Variants in RBFOX3 observed in about 807,000 individuals in gnomAD.
RBFOX3 encodes RNA binding fox-1 homolog 3.
In RBFOX3, 17 loss-of-function variants were observed where a neutral mutation model predicts 48.7. That is an observed-to-expected ratio of 0.35 (90% confidence interval 0.24 to 0.52). RBFOX3 has a LOEUF of 0.52. Among genes scored for constraint, RBFOX3 ranks in the 20% least tolerant of loss-of-function variants. RBFOX3 has a pLI of 0.94. For missense variants in RBFOX3, 382 were observed against 497.5 expected (o/e 0.77, Z 2.21); for synonymous variants, 212 against 209.5 (o/e 1.01, Z -0.10).
At chr17:79,515,108 C>T (rs918237843) in intron 1 of RBFOX3, among the ~76,000 whole-genome samples, 7 of 152,190 alleles carry the variant, frequency 4.6e-5, no homozygotes, top group Non-Finnish European at 7.4e-5. Flanking sequence ...TAACATCTGG[C>T]CCCACCCACA....
chr17:79,453,665 G>A (rs561863396), intron 2 of RBFOX3, among the ~76,000 whole-genome samples: 1 of 152,256 alleles, frequency 6.6e-6, no homozygotes, highest in Admixed American at 6.5e-5. Context: ...CAGGCACATG[G>A]GGTGTGTGTG....
At chr17:79,383,159 G>T (rs974354229) in intron 2 of RBFOX3, among the ~76,000 whole-genome samples, 1 of 152,128 alleles carries the variant, frequency 6.6e-6, no homozygotes, top group Admixed American at 6.5e-5. Context: ...CAGCACAGAA[G>T]AGGATGGGAA....
chr17:79,568,696 G>A (rs1160532212), intron 1 of RBFOX3, among the ~76,000 whole-genome samples: 3 of 152,108 alleles, frequency 2.0e-5, no homozygotes, highest in African/African-American at 7.2e-5. Context: ...AGACTCAAGA[G>A]ACCCCCATGC....
chr17:79,543,608 GAGGA>G (rs2090013476), intron 1 of RBFOX3, among the ~76,000 whole-genome samples: 1 of 152,112 alleles, frequency 6.6e-6, no homozygotes. Flanking sequence ...CAGGGCCTCC[GAGGA>G]AAAGGAATAA....
Position 79,198,541 on chromosome 17 carries a change from T to A in RBFOX3, c.-34+37225A>T, listed in dbSNP as rs2056154312. ...TGAGGCTTGGAGAAGTTCACAGACTTTCCAGGATGTATTGCCCATGCCACT... is the reference window on the plus strand; with the variant it reads ...TGAGGCTTGGAGAAGTTCACAGACTATCCAGGATGTATTGCCCATGCCACT... On this transcript the variant is annotated intron_variant, in intron 4 of 14. Coordinates refer to ENST00000693108, the MANE Select transcript of RBFOX3 (RefSeq NM_001350451.2). The surrounding 1 kb of genome is among the most constrained non-coding windows in gnomAD (Gnocchi z 8.2). Among the ~76,000 whole-genome samples, 1 of 152,184 alleles carries A rather than the reference T, an allele frequency of 6.6e-6. No individual in the cohort carries two copies. Among genetic ancestry groups the A allele is most frequent in the Non-Finnish European group, 1.5e-5 (1 of 68,028 alleles).
At chr17:79,549,783 T>G (rs1429723103) in intron 1 of RBFOX3, among the ~76,000 whole-genome samples, 5 of 152,202 alleles carry the variant, frequency 3.3e-5, no homozygotes, top group Non-Finnish European at 7.3e-5. Context: ...TGGAGAGGGC[T>G]CAGCAGCTGT....
rs1338430181 is a variant in RBFOX3 at position 79,495,505 on chromosome 17, A to G, written c.-319-12907T>C. The stretch of plus-strand genomic sequence containing the variant: ...GCAAGAAGGTGGGGGAGGGGTGCAG[A>G]GGGTGGGGAGGTGGGGGAGGGGTGC... On this transcript the variant is annotated intron_variant, in intron 1 of 14. Coordinates refer to ENST00000693108, the MANE Select transcript of RBFOX3 (RefSeq NM_001350451.2). Among the ~76,000 whole-genome samples, 5 of 45,524 alleles carry G rather than the reference A, an allele frequency of 1.1e-4. No individual in the cohort carries two copies. The South Asian group carries it at 2.8e-3, about 25-fold the overall frequency. The allele number at this position is 45,524 out of a possible 152,430, so 29.9% of individuals were successfully genotyped here.
At chr17:79,401,074 C>T (rs2148410364) in intron 2 of RBFOX3, among the ~76,000 whole-genome samples, 1 of 152,376 alleles carries the variant, frequency 6.6e-6, no homozygotes, top group South Asian at 2.1e-4. Context: ...AGACGCAGAG[C>T]CTCTCCAGTG....
In RBFOX3 at chr17:79,106,861, G is replaced by A. The variant is rs1435508145; in HGVS notation, c.223-73C>T. On this transcript the variant is annotated intron_variant, in intron 5 of 14. Transcript: ENST00000693108. ...TGCCCATCCCCTCTGCTAAAGGGTC[G>A]GCAGAGTCTAAAGGCCAGATTCTCC... The A allele has an allele frequency of 3.8e-5, 54 of 1,439,984 alleles. No homozygotes were observed. In the South Asian group the frequency reaches 5.0e-4, roughly 13 times the overall value. The allele number at this position is 1,439,984 out of a possible 1,614,324, so 89.2% of individuals were successfully genotyped here. A position where few individuals can be genotyped will look rare whatever the true frequency, so the allele number is the denominator to read the frequency against.
At chr17:79,240,556 T>C (rs1484708939) in intron 3 of RBFOX3, among the ~76,000 whole-genome samples, 1 of 152,240 alleles carries the variant, frequency 6.6e-6, no homozygotes, top group Non-Finnish European at 1.5e-5. Context: ...ATATACATCA[T>C]TGACCTCACG....
At chr17:79,592,265 A>G (rs927217628) in intron 1 of RBFOX3, among the ~76,000 whole-genome samples, 1 of 74,828 alleles carries the variant, frequency 1.3e-5, no homozygotes, top group African/African-American at 6.0e-5. Flanking sequence ...ATGCATGTGT[A>G]TGTGGGTGGG....
intron 2 of RBFOX3, among the ~76,000 whole-genome samples, chr17:79,451,737 A>C (rs2073549414): frequency 6.6e-6 from 1 of 152,246 alleles, no homozygotes; most frequent in South Asian, 2.1e-4. Context: ...GGTCCCCCGC[A>C]ACCTTCCATT....
chr17:79,510,765 T>C (rs2084034876), intron 1 of RBFOX3, among the ~76,000 whole-genome samples: 1 of 152,088 alleles, frequency 6.6e-6, no homozygotes, highest in South Asian at 2.1e-4. Context: ...GTCACCAAAC[T>C]TTTTCCTTTG....
chr17:79,369,750 C>T (rs2058270715), intron 2 of RBFOX3, among the ~76,000 whole-genome samples: 1 of 152,166 alleles, frequency 6.6e-6, no homozygotes, highest in African/African-American at 2.4e-5. Context: ...CTGGTGCCAC[C>T]CCAGCTCAGG....
chr17:79,648,038 C>A, the RBFOX3 span, among the ~76,000 whole-genome samples: 2 of 150,986 alleles, frequency 1.3e-5, no homozygotes, highest in South Asian at 4.2e-4. Context: ...TCCTGGGGGT[C>A]CAGCAGGGGA....
At chr17:79,174,833 C>T (rs1400432882) in intron 4 of RBFOX3, among the ~76,000 whole-genome samples, 2 of 152,238 alleles carry the variant, frequency 1.3e-5, no homozygotes, top group Admixed American at 1.3e-4. Flanking sequence ...GAGACTGAGG[C>T]CTAGGAGTAG....
chr17:79,590,497 C>A (rs2093385177), intron 1 of RBFOX3, among the ~76,000 whole-genome samples: 1 of 152,288 alleles, frequency 6.6e-6, no homozygotes, highest in African/African-American at 2.4e-5. Flanking sequence ...TATTTCCTTC[C>A]CAGCCCCCTT....
At chr17:79,260,742 A>G (rs924786275) in intron 3 of RBFOX3, among the ~76,000 whole-genome samples, 6 of 152,196 alleles carry the variant, frequency 3.9e-5, no homozygotes, top group Non-Finnish European at 5.9e-5. Flanking sequence ...GGATAGGAAC[A>G]TGGCCAAGGA....
chr17:79,389,409 G>T (rs2061032069), intron 2 of RBFOX3, among the ~76,000 whole-genome samples: 1 of 152,212 alleles, frequency 6.6e-6, no homozygotes, highest in Non-Finnish European at 1.5e-5. Context: ...CGTCAGTAAT[G>T]CTGCAGCTGG....
Sources: gnomAD v4.1 joint callset for allele counts (sites outside exome capture counted in the v4.1 genomes callset) on GRCh38, gnomAD v4.1.1 for gene constraint, Gnocchi (gnomAD v3.1) non-coding constraint, MANE v1.5 for transcripts, NCBI Gene and HGNC (gene_info 2026-07-23, HGNC 2026-07-21) for gene names.